Variants in PPM1H observed in about 807,000 individuals in gnomAD.
The protein encoded by PPM1H is protein phosphatase, Mg2+/Mn2+ dependent 1H, also known as protein phosphatase 1H.
A neutral mutation model predicts 54.9 loss-of-function variants in PPM1H; 27 were observed. The ratio of observed to expected loss-of-function variants is 0.49; its 90% CI spans 0.36 to 0.68. The LOEUF is 0.68. Ranked by LOEUF, PPM1H falls within the 30% of genes least tolerant of loss-of-function variation. The pLI, the probability that PPM1H is intolerant of heterozygous loss-of-function variation, is 0.00. For missense variants in PPM1H, 596 were observed against 667.8 expected, an observed-to-expected ratio of 0.89 and a Z score of 1.19; for synonymous variants, 305 against 270.8, an observed-to-expected ratio of 1.13 and a Z score of -1.24.
intron 8 of PPM1H, among the ~76,000 whole-genome samples, chr12:62,680,070 C>T (rs2076010450): frequency 6.6e-6 from 1 of 152,172 alleles, no homozygotes. Flanking sequence ...GGATCCAATT[C>T]CCCTAACTTC....
At chr12:62,787,487 A>C (rs2076679777) in intron 4 of PPM1H, among the ~76,000 whole-genome samples, 1 of 152,188 alleles carries the variant, frequency 6.6e-6, no homozygotes, top group African/African-American at 2.4e-5. Context: ...GTAATTTAAA[A>C]ATTCCCCACA....
chr12:62,796,680 G>A (rs890843926), intron 3 of PPM1H, among the ~76,000 whole-genome samples: 6 of 152,108 alleles, frequency 3.9e-5, no homozygotes, highest in African/African-American at 7.2e-5. Context: ...ACATAGGCAC[G>A]AGTGTTTAAA....
chr12:62,876,497 G>A (rs1870174306), intron 1 of PPM1H, among the ~76,000 whole-genome samples: 1 of 152,228 alleles, frequency 6.6e-6, no homozygotes, highest in African/African-American at 2.4e-5. Context: ...ATGAAGGCAA[G>A]TAATCAAGAT....
At chr12:62,884,518 A>AG (rs1870515505) in intron 1 of PPM1H, among the ~76,000 whole-genome samples, 1 of 146,060 alleles carries the variant, frequency 6.8e-6, no homozygotes, top group Non-Finnish European at 1.5e-5. Context: ...AAAAAAAAAA[A>AG]GAAAGAAAGA....
intron 5 of PPM1H, among the ~76,000 whole-genome samples, chr12:62,728,156 C>T (rs893453443): frequency 1.3e-4 from 20 of 152,278 alleles, no homozygotes; most frequent in African/African-American, 4.6e-4. Context: ...GGGGAAAAAG[C>T]TTGATAACCT....
intron 6 of PPM1H, among the ~76,000 whole-genome samples, chr12:62,715,095 C>T (rs1055290101): frequency 7.9e-5 from 12 of 152,196 alleles, no homozygotes; most frequent in African/African-American, 1.2e-4. Context: ...TGCCACAAAG[C>T]GAGCTGTGAG....
At chr12:62,748,552 A>G (rs1474367490) in intron 4 of PPM1H, among the ~76,000 whole-genome samples, 1 of 151,956 alleles carries the variant, frequency 6.6e-6, no homozygotes, top group Non-Finnish European at 1.5e-5. Flanking sequence ...ACACACACAC[A>G]CACACACACA....
chr12:62,659,887 ATT>A (rs2075873331), intron 9 of PPM1H, among the ~76,000 whole-genome samples: 1 of 152,040 alleles, frequency 6.6e-6, no homozygotes, highest in Non-Finnish European at 1.5e-5. Flanking sequence ...TTCCCTTCTC[ATT>A]TTGTGTCCAA....
At chr12:62,795,757 C>T (rs1275684943) in intron 3 of PPM1H, among the ~76,000 whole-genome samples, 2 of 151,650 alleles carry the variant, frequency 1.3e-5, no homozygotes, top group Non-Finnish European at 2.9e-5. Flanking sequence ...GACAGAGTCT[C>T]GCTCCGTTGC....
intron 1 of PPM1H, among the ~76,000 whole-genome samples, chr12:62,857,042 ATCAGAC>A (rs1260792648): frequency 6.6e-6 from 1 of 152,198 alleles, no homozygotes; most frequent in Non-Finnish European, 1.5e-5. Flanking sequence ...TAGTTTATGA[ATCAGAC>A]TCAAAGGTGT....
intron 1 of PPM1H, among the ~76,000 whole-genome samples, chr12:62,926,748 A>G (rs897489798): frequency 6.6e-6 from 1 of 152,128 alleles, no homozygotes; most frequent in African/African-American, 2.4e-5. Flanking sequence ...TGAGGTTGGG[A>G]GCTTGAGACC....
intron 5 of PPM1H, among the ~76,000 whole-genome samples, chr12:62,729,408 G>A (rs186852579): frequency 6.6e-6 from 1 of 152,322 alleles, no homozygotes; most frequent in African/African-American, 2.4e-5. Context: ...CACCAAAGAT[G>A]GCCCCTCCTG....
chr12:62,739,670 AGCTCAGGGGCCTGGTAAC>A (rs2076371447), intron 4 of PPM1H, among the ~76,000 whole-genome samples: 1 of 152,208 alleles, frequency 6.6e-6, no homozygotes, highest in South Asian at 2.1e-4. Flanking sequence ...GAGTGCCAGG[AGCTCAGGGGCCTGGTAAC>A]GCCAAAGGCT....
intron 1 of PPM1H, among the ~76,000 whole-genome samples, chr12:62,890,757 T>C (rs200337648): frequency 5.8e-4 from 84 of 145,160 alleles, no homozygotes; most frequent in South Asian, 1.1e-3. Flanking sequence ...CACACACACA[T>C]ATATATATAT....
chr12:62,705,381 C>T (rs1401868971), intron 6 of PPM1H, among the ~76,000 whole-genome samples: 1 of 152,178 alleles, frequency 6.6e-6, no homozygotes, highest in East Asian at 1.9e-4. Context: ...CAAGTATTTA[C>T]TGAGCACCTA....
At chr12:62,690,435 A>G (rs1435962233) in intron 7 of PPM1H, among the ~76,000 whole-genome samples, 1 of 152,196 alleles carries the variant, frequency 6.6e-6, no homozygotes, top group East Asian at 1.9e-4. Context: ...CTCTGGGTGG[A>G]AAGGAACAAA....
chr12:62,913,605 C>T (rs1871526213), intron 1 of PPM1H, among the ~76,000 whole-genome samples: 1 of 152,144 alleles, frequency 6.6e-6, no homozygotes, highest in African/African-American at 2.4e-5. Flanking sequence ...GGGACTCCTG[C>T]TAGACAACTT....
chr12:62,932,850 G>C (rs1018291722), intron 1 of PPM1H, among the ~76,000 whole-genome samples: 3 of 151,726 alleles, frequency 2.0e-5, no homozygotes, highest in Non-Finnish European at 4.4e-5. Flanking sequence ...ATTCAGGCTG[G>C]TCTCGAACTC....
intron 1 of PPM1H, among the ~76,000 whole-genome samples, chr12:62,887,494 C>A (rs1483391405): frequency 1.3e-5 from 2 of 152,240 alleles, no homozygotes; most frequent in East Asian, 1.9e-4. Flanking sequence ...ATGCTAGGAG[C>A]CTTAATTGCA....
Sources: allele counts gnomAD v4.1 joint callset (sites outside exome capture counted in the v4.1 genomes callset), GRCh38; gene constraint gnomAD v4.1.1; transcripts MANE v1.5; gene names NCBI Gene and HGNC (gene_info 2026-07-23, HGNC 2026-07-21).